Variants in TGM3 observed in about 807,000 individuals in gnomAD.
The protein encoded by TGM3 is protein-glutamine gamma-glutamyltransferase E.
Under a neutral mutation model 73.8 loss-of-function variants are expected in TGM3, and 52 were observed. The observed-to-expected ratio is 0.70, with a 90% confidence interval of 0.56 to 0.89. The LOEUF (loss-of-function observed/expected upper bound fraction) is 0.89, where lower values mean the gene tolerates loss of function less well. TGM3 is among the 40% of genes least tolerant of loss of function. The pLI is 0.00. For missense variants in TGM3, 928 were observed against 909.9 expected, an observed-to-expected ratio of 1.02 and a Z score of -0.26; for synonymous variants, 372 against 354.9, an observed-to-expected ratio of 1.05 and a Z score of -0.54.
At chr20:2,331,326 G>A (rs970759759) in intron 9 of TGM3, among the ~76,000 whole-genome samples, 9 of 152,116 alleles carry the variant, frequency 5.9e-5, no homozygotes, top group Non-Finnish European at 8.8e-5. Flanking sequence ...GGCTACTTAC[G>A]CCATCACACT....
At chr20:2,299,689 G>C (rs2084132051) in intron 1 of TGM3, among the ~76,000 whole-genome samples, 1 of 152,208 alleles carries the variant, frequency 6.6e-6, no homozygotes, top group African/African-American at 2.4e-5. Flanking sequence ...TAGCTGCCGG[G>C]TGGCTCTGGT....
intron 12 of TGM3, 46 bp downstream of exon 12, chr20:2,340,033 C>CAGGGGGGGGGGGGGGGGGG: frequency 5.1e-6 from 1 of 196,578 alleles, no homozygotes; most frequent in Non-Finnish European, 9.7e-6. Context: ...CGGGAGGGGG[C>CAGGGGGGGGGGGGGGGGGG]GGGGGGGCCC....
intron 7 of TGM3, among the ~76,000 whole-genome samples, chr20:2,323,468 T>C (rs1336699815): frequency 6.6e-6 from 1 of 152,258 alleles, no homozygotes; most frequent in African/African-American, 2.4e-5. Context: ...TGATGAACTT[T>C]TGCTCCAACA....
chr20:2,309,939 C>A, intron 2 of TGM3, 109 bp downstream of exon 2: 1 of 1,481,642 alleles, frequency 6.7e-7, no homozygotes, highest in Non-Finnish European at 9.2e-7. Context: ...GGGTTCTAGC[C>A]TTGCTCTGTC....
chr20:2,332,161 A>G lies in TGM3; in HGVS notation c.1493A>G (p.Glu498Gly), dbSNP rs754490266. 1 of 1,614,206 alleles carries G rather than the reference A, an allele frequency of 6.2e-7. No individual in the cohort carries two copies. Among genetic ancestry groups the G allele is most frequent in the South Asian group, 1.1e-5 (1 of 91,092 alleles). Residue 498 changes from glutamate to glycine, a missense_variant, in exon 10 of 13, where the codon GAA becomes GGA. Coordinates refer to ENST00000381458, the MANE Select transcript of TGM3 (RefSeq NM_003245.4). The surrounding 1 kb of genome is among the most constrained non-coding windows in gnomAD (Gnocchi z 4.4). ...GCTGGCATGCTGGCAGTAGGCAAAGAAGTCAACCTGGTCCTACTGCTCAAA... is the reference window on the plus strand; with the variant it reads ...GCTGGCATGCTGGCAGTAGGCAAAGGAGTCAACCTGGTCCTACTGCTCAAA... ...KVAGMLAVGK[E>G]VNLVLLLKNL...
chr20:2,316,676 T>A (rs1391812020), intron 5 of TGM3, among the ~76,000 whole-genome samples: 1 of 152,180 alleles, frequency 6.6e-6, no homozygotes, highest in Non-Finnish European at 1.5e-5. Context: ...AACCATGGAC[T>A]CCCAGGCAGA....
In TGM3 at chr20:2,335,130, A is replaced by T. The variant is rs769498957; in HGVS notation, c.1657A>T (p.Ile553Leu). The stretch of plus-strand genomic sequence containing the variant: ...TCTCCTTCCAGAGGCAGAACATCCC[A>T]TAAAGATCTCGTACGCTCAGTATGA... ...LDPEEEAEHP[I>L]KISYAQYEKY... The change falls in exon 11 of 13, where the codon ATA (isoleucine) becomes TTA (leucine). Residue 553 changes from isoleucine (I) to leucine (L), a missense_variant. Ile to Leu is a conservative substitution (Grantham distance 5). Transcript: ENST00000381458. The T allele has an allele frequency of 1.2e-6, 2 of 1,614,198 alleles. No individual in the cohort carries two copies. The highest frequency in any genetic ancestry group is 1.7e-6 in the Non-Finnish European group (2 of 1,180,026).
At chr20:2,331,222 G>A (rs1033049532) in intron 9 of TGM3, among the ~76,000 whole-genome samples, 2 of 151,962 alleles carry the variant, frequency 1.3e-5, no homozygotes, top group African/African-American at 4.8e-5. Flanking sequence ...TTTGTGAACT[G>A]CTCAGTCAGC....
chr20:2,317,370 C>G lies in TGM3; in HGVS notation c.868C>G (p.Pro290Ala). Reference sequence around the variant, plus strand: ...TGCAGCGCTGCGGTCTTTGGGGATTCCTTCCCGGGTGATCACCAACTTCAA... The same window carrying G: ...TGCAGCGCTGCGGTCTTTGGGGATTGCTTCCCGGGTGATCACCAACTTCAA... ...LNTALRSLGI[P>A]SRVITNFNSA... Residue 290 changes from proline to alanine, a missense_variant, in exon 7 of 13, where the codon CCT (proline) becomes GCT (alanine). Transcript: ENST00000381458. 6.2e-7 allele frequency: 1 copy of G among 1,614,216 alleles called. No homozygotes were observed. Among genetic ancestry groups the G allele is most frequent in the South Asian group, 1.1e-5 (1 of 91,090 alleles).
chr20:2,339,797 G>A (rs912617054), intron 11 of TGM3, 57 bp from the exon 12 acceptor site: 3 of 1,609,680 alleles, frequency 1.9e-6, no homozygotes, highest in South Asian at 1.1e-5. Flanking sequence ...CCTCACCAAG[G>A]TGCAGGCAGG....
rs936027888 is a variant in TGM3 at position 2,334,681 on chromosome 20, C to T, written c.1643-435C>T. ...CACTTGTGGCTGGGAGCAGTGCTCA[C>T]GCCTGTAATCCCAACACTTTGGGAG... On this transcript the variant is annotated intron_variant, in intron 10 of 12. Transcript: ENST00000381458. This position sits in a 1 kb window ranked among gnomAD's most constrained non-coding sequence, Gnocchi z 4.0. Among the ~76,000 whole-genome samples, 9 of 152,302 alleles carry T rather than the reference C, an allele frequency of 5.9e-5. No individual in the cohort carries two copies. Among genetic ancestry groups the T allele is most frequent in the East Asian group, 1.9e-4 (1 of 5,174 alleles).
chr20:2,303,288 G>A (rs1387389657), intron 1 of TGM3, among the ~76,000 whole-genome samples: 2 of 151,642 alleles, frequency 1.3e-5, no homozygotes, highest in Non-Finnish European at 1.5e-5. Context: ...GCGACAGAGG[G>A]AGACTCCATC....
At chr20:2,322,129 G>C (rs1421825473) in intron 7 of TGM3, among the ~76,000 whole-genome samples, 1 of 151,756 alleles carries the variant, frequency 6.6e-6, no homozygotes, top group Non-Finnish European at 1.5e-5. Flanking sequence ...GATCATGAAG[G>C]CCTGTTCAAA....
Position 2,340,703 on chromosome 20 carries a change from A to C in TGM3, c.*122A>C, listed in dbSNP as rs2084377136. The C allele has an allele frequency of 7.3e-6, 10 of 1,361,452 alleles. No individual in the cohort carries two copies. Among genetic ancestry groups the C allele is most frequent in the Non-Finnish European group, 1.0e-5 (10 of 979,970 alleles). The allele number at this position is 1,361,452 out of a possible 1,614,324, so 84.3% of individuals were successfully genotyped here. A position where few individuals can be genotyped will look rare whatever the true frequency, so the allele number is the denominator to read the frequency against. On this transcript the variant is annotated 3_prime_UTR_variant, in exon 13 of 13. Transcript: ENST00000381458. ...ACCCTCTCCATCTCCCAAGGCTGCCAGACATGGACCTCCAGGCTCCAGCAC... is the reference window on the plus strand; with the variant it reads ...ACCCTCTCCATCTCCCAAGGCTGCCCGACATGGACCTCCAGGCTCCAGCAC...
intron 2 of TGM3, 131 bp from the exon 3 acceptor site, chr20:2,310,047 A>G: frequency 7.0e-7 from 1 of 1,436,392 alleles, no homozygotes; most frequent in South Asian, 1.3e-5. Context: ...TGTTTGTTCC[A>G]GTTACTTCCA....
At chr20:2,300,233 A>C (rs994938030) in intron 1 of TGM3, among the ~76,000 whole-genome samples, 1 of 92,294 alleles carries the variant, frequency 1.1e-5, no homozygotes, top group African/African-American at 2.9e-5. Flanking sequence ...AGAAAGAAAG[A>C]AAAAAAGAAA....
chr20:2,338,821 T>G (rs778602024), intron 11 of TGM3, among the ~76,000 whole-genome samples: 21 of 152,352 alleles, frequency 1.4e-4, no homozygotes, highest in Admixed American at 7.2e-4. Flanking sequence ...TTCCCCATCC[T>G]TGATCTCATT....
At chr20:2,340,238 C>G (rs41306767) in intron 12 of TGM3, among the ~76,000 whole-genome samples, 196 bp from the exon 13 acceptor site, 1,827 of 151,674 alleles carry the variant, frequency 0.012, 22 homozygotes, top group South Asian at 0.067. Context: ...ATCATGGGAC[C>G]CCCCCCTCCT....
intron 7 of TGM3, among the ~76,000 whole-genome samples, chr20:2,324,174 T>C (rs531729563): frequency 6.6e-6 from 1 of 152,362 alleles, no homozygotes; most frequent in Admixed American, 6.5e-5. Flanking sequence ...TCATTTAATT[T>C]CAGATATTTG....
Sources: gnomAD v4.1 joint callset for allele counts (sites outside exome capture counted in the v4.1 genomes callset) on GRCh38, gnomAD v4.1.1 for gene constraint, Gnocchi (gnomAD v3.1) non-coding constraint, MANE v1.5 for transcripts, NCBI Gene and HGNC (gene_info 2026-07-23, HGNC 2026-07-21) for gene names.